The following LGR4 variants were observed in gnomAD, a reference collection of about 807,000 sequenced individuals.
The protein encoded by LGR4 is leucine-rich repeat-containing G protein-coupled receptor 4.
Under a neutral mutation model 84.8 loss-of-function variants are expected in LGR4, and 44 were observed. That is an observed-to-expected ratio of 0.52 (90% CI 0.41 to 0.67). The LOEUF (loss-of-function observed/expected upper bound fraction) is 0.67. Among genes scored for constraint, LGR4 ranks in the 30% least tolerant of loss-of-function variants. LGR4 has a pLI of 0.00. For missense variants in LGR4, 1,032 were observed against 1,131.4 expected (o/e 0.91, Z 1.26); for synonymous variants, 429 against 434.3 (o/e 0.99, Z 0.15).
intron 1 of LGR4, among the ~76,000 whole-genome samples, chr11:27,468,241 T>A (rs926617687): frequency 6.6e-6 from 1 of 152,194 alleles, no homozygotes; most frequent in Non-Finnish European, 1.5e-5. Flanking sequence ...ATGTACAGGA[T>A]ACATACACTG....
chr11:27,395,129 C>T (rs1284694732), intron 2 of LGR4, among the ~76,000 whole-genome samples: 1 of 152,042 alleles, frequency 6.6e-6, no homozygotes, highest in African/African-American at 2.4e-5. Flanking sequence ...GATCAAATTG[C>T]ACCATAAAAG....
intron 10 of LGR4, among the ~76,000 whole-genome samples, chr11:27,380,013 G>A (rs1340899194): frequency 6.6e-6 from 1 of 152,124 alleles, no homozygotes; most frequent in Non-Finnish European, 1.5e-5. Context: ...AATTCTGAAA[G>A]CACTGCTTCT....
chr11:27,376,576 T>C (rs1862986807), intron 12 of LGR4, among the ~76,000 whole-genome samples: 1 of 152,234 alleles, frequency 6.6e-6, no homozygotes, highest in Non-Finnish European at 1.5e-5. Context: ...GAATTGCCCT[T>C]TTCTCATCTA....
At chr11:27,401,795 C>T (rs36125468) in intron 2 of LGR4, among the ~76,000 whole-genome samples, 1,735 of 152,308 alleles carry the variant, frequency 0.011, 31 homozygotes, top group African/African-American at 0.04. Flanking sequence ...TGGTAACTGT[C>T]ACCAAGGTCA....
intron 3 of LGR4, among the ~76,000 whole-genome samples, chr11:27,391,987 G>T (rs1863294838): frequency 6.6e-6 from 1 of 152,162 alleles, no homozygotes; most frequent in African/African-American, 2.4e-5. Context: ...CCACTGCCAA[G>T]AATTTATTTC....
chr11:27,399,478 T>C (rs917630842), intron 2 of LGR4, among the ~76,000 whole-genome samples: 2 of 152,116 alleles, frequency 1.3e-5, no homozygotes, highest in Non-Finnish European at 2.9e-5. Flanking sequence ...TAAATGTAAT[T>C]TGAAATCAGC....
chr11:27,437,238 T>C (rs1271354550), intron 1 of LGR4, among the ~76,000 whole-genome samples: 1 of 152,208 alleles, frequency 6.6e-6, no homozygotes, highest in African/African-American at 2.4e-5. Context: ...TTAAAACTTA[T>C]TTTGCATCTT....
In LGR4 at chr11:27,454,139, CT is replaced by C. The variant is rs1257899260; in HGVS notation, c.185+17978del. 2.0e-5 allele frequency among the ~76,000 whole-genome samples: 3 copies of C among 152,208 alleles called. No homozygotes were observed. The East Asian group carries it at 5.8e-4, about 29-fold the overall frequency. On this transcript the variant is annotated intron_variant, in intron 1 of 17. Transcript: ENST00000379214. ...TCCAGGCTTTTAGATAAAAACTAAACTCTTTCAGCCAATTGCCAATCCGAAA... is the reference window on the plus strand; with the variant it reads ...TCCAGGCTTTTAGATAAAAACTAAACCTTTCAGCCAATTGCCAATCCGAAA...
chr11:27,367,627 T>G lies in LGR4; in HGVS notation c.*240A>C. 5.3e-6 allele frequency: 2 copies of G among 377,698 alleles called. No individual in the cohort carries two copies. The highest frequency in any genetic ancestry group is 9.5e-6 in the Non-Finnish European group (2 of 210,840). 23.4% of individuals were successfully genotyped at this position (377,698 alleles called of 1,614,324 possible). ...TACTACACCTAAGATCCTTTTCAAG[T>G]CATATATTTGTTTCAAACAGATCAT... On this transcript the variant is annotated 3_prime_UTR_variant, in exon 18 of 18. Coordinates refer to ENST00000379214, the MANE Select transcript of LGR4 (RefSeq NM_018490.5).
intron 1 of LGR4, among the ~76,000 whole-genome samples, chr11:27,422,123 C>T (rs1164142099): frequency 1.3e-5 from 2 of 152,114 alleles, no homozygotes; most frequent in African/African-American, 4.8e-5. Context: ...TTCAATAGTC[C>T]ATTTAACATC....
In LGR4 at chr11:27,404,293, C is replaced by T. The variant is rs114733809; in HGVS notation, c.257+8496G>A. 3.9e-3 allele frequency among the ~76,000 whole-genome samples: 595 copies of T among 152,292 alleles called. 3 individuals are homozygous for T. The highest frequency in any genetic ancestry group is 0.014 in the African/African-American group (564 of 41,562). ...GATTTCTACTAGTCTCCTATGAAGT[C>T]CTGATTTATCAAATCCAAATTTTGA... On this transcript the variant is annotated intron_variant, in intron 2 of 17. Transcript: ENST00000379214.
intron 2 of LGR4, among the ~76,000 whole-genome samples, chr11:27,397,518 C>A (rs1863413633): frequency 2.0e-5 from 3 of 152,120 alleles, no homozygotes; most frequent in Admixed American, 1.3e-4. Flanking sequence ...TCTGGATTTG[C>A]AAAGCTAATA....
chr11:27,376,445 G>A (rs1862983325), intron 12 of LGR4, 75 bp from the exon 13 acceptor site: 2 of 694,374 alleles, frequency 2.9e-6, no homozygotes, highest in African/African-American at 1.8e-5. Flanking sequence ...GAAAGAGAAA[G>A]GGATAGAGAA....
intron 1 of LGR4, among the ~76,000 whole-genome samples, chr11:27,461,918 C>T (rs1393728852): frequency 6.6e-6 from 1 of 150,786 alleles, no homozygotes; most frequent in Non-Finnish European, 1.5e-5. Context: ...CAACCTCCCC[C>T]TCCCGGATTC....
chr11:27,377,604 T>G (rs1446920050), intron 11 of LGR4, among the ~76,000 whole-genome samples: 1 of 152,150 alleles, frequency 6.6e-6, no homozygotes, highest in Middle Eastern at 3.4e-3. Context: ...TTATACGGTT[T>G]AAAAATTTGT....
At chr11:27,452,677 G>A (rs1166066172) in intron 1 of LGR4, among the ~76,000 whole-genome samples, 7 of 141,698 alleles carry the variant, frequency 4.9e-5, no homozygotes, top group Non-Finnish European at 1.1e-4. Context: ...CGGCTGGAGT[G>A]CAGTGGCGCG....
intron 2 of LGR4, among the ~76,000 whole-genome samples, chr11:27,401,268 CTCT>C (rs1263425666): frequency 2.6e-5 from 4 of 152,170 alleles, no homozygotes; most frequent in Non-Finnish European, 5.9e-5. Flanking sequence ...CCATCTAGAA[CTCT>C]TCTACCTACT....
intron 2 of LGR4, among the ~76,000 whole-genome samples, chr11:27,392,802 G>A (rs889186796): frequency 2.0e-5 from 3 of 152,046 alleles, no homozygotes; most frequent in African/African-American, 7.2e-5. Context: ...ACCAAATTAA[G>A]TTTGCTATTC....
intron 12 of LGR4, 148 bp downstream of exon 12, chr11:27,377,010 C>A: frequency 1.9e-6 from 1 of 519,394 alleles, no homozygotes; most frequent in Non-Finnish European, 3.5e-6. Context: ...ATGAACACAT[C>A]TGGTTCAATT....
Sources: gnomAD v4.1 joint callset for allele counts (sites outside exome capture counted in the v4.1 genomes callset) on GRCh38, gnomAD v4.1.1 for gene constraint, MANE v1.5 for transcripts, NCBI Gene and HGNC (gene_info 2026-07-23, HGNC 2026-07-21) for gene names.